DNER: variants seen among roughly 807,000 people sequenced by gnomAD.
The protein encoded by DNER is delta and Notch-like epidermal growth factor-related receptor.
Under a neutral mutation model 78.2 loss-of-function variants are expected in DNER, and 33 were observed. The observed-to-expected ratio is 0.42, with a 90% CI of 0.32 to 0.56. The LOEUF (loss-of-function observed/expected upper bound fraction) is 0.56, where lower values mean the gene tolerates loss of function less well. Ranked by LOEUF, DNER falls within the 20% of genes least tolerant of loss-of-function variation. The probability of loss-of-function intolerance (pLI) is 0.11; values close to 1 mark genes in which losing one functional copy is unlikely to be tolerated. For synonymous variants in DNER, 417 were observed against 384.8 expected (o/e 1.08, Z -0.98); for missense variants, 918 against 975.3 (o/e 0.94, Z 0.78).
chr2:229,429,009 C>A (rs1370264822), intron 8 of DNER, among the ~76,000 whole-genome samples: 2 of 152,166 alleles, frequency 1.3e-5, no homozygotes, highest in Admixed American at 1.3e-4. Context: ...TGGAATTACA[C>A]TGGGCAGACA....
chr2:229,512,895 AGTACCCAC>A lies in DNER; in HGVS notation c.1027_1034del (p.Val343PhefsTer3). On this transcript the variant is annotated frameshift_variant, in exon 6 of 13. Coordinates refer to ENST00000341772, the MANE Select transcript of DNER (RefSeq NM_139072.4). LOFTEE classifies it high-confidence loss of function. ...GGCAAGCATCGTATTCTTCACAGAA[AGTACCCAC>A]GTACTGCTCCTCACAGGTACAGGAA... is the stretch of plus-strand genomic sequence containing the variant. 6.2e-7 allele frequency: 1 copy of A among 1,614,182 alleles called. No individual in the cohort carries two copies.
At chr2:229,395,583 C>T (rs60277074) in intron 10 of DNER, among the ~76,000 whole-genome samples, 5,085 of 152,280 alleles carry the variant, frequency 0.033, 134 homozygotes, top group African/African-American at 0.073. Flanking sequence ...GTGTTCAGCC[C>T]TACAAACTGC....
At chr2:229,389,207 C>G (rs958343140) in intron 10 of DNER, among the ~76,000 whole-genome samples, 1 of 152,076 alleles carries the variant, frequency 6.6e-6, no homozygotes, top group African/African-American at 2.4e-5. Context: ...CTAGACCCAA[C>G]TTTTCAGGAC....
intron 7 of DNER, among the ~76,000 whole-genome samples, chr2:229,458,704 G>A (rs1016480111): frequency 6.6e-6 from 1 of 151,278 alleles, no homozygotes; most frequent in African/African-American, 2.4e-5. Context: ...TTCTCCCTAA[G>A]ATAGAGAGCA....
At chr2:229,658,013 G>C (rs1338278548) in intron 1 of DNER, among the ~76,000 whole-genome samples, 2 of 152,194 alleles carry the variant, frequency 1.3e-5, no homozygotes, top group Non-Finnish European at 2.9e-5. Context: ...GATTAAAAAT[G>C]AAACAGTGAA....
At chr2:229,601,230 C>T (rs1348301108) in intron 1 of DNER, among the ~76,000 whole-genome samples, 1 of 152,164 alleles carries the variant, frequency 6.6e-6, no homozygotes, top group East Asian at 1.9e-4. Flanking sequence ...TGGGGTCCAA[C>T]TGTCACAGTA....
At chr2:229,475,682 G>T (rs6715897) in intron 7 of DNER, among the ~76,000 whole-genome samples, 1 of 152,030 alleles carries the variant, frequency 6.6e-6, no homozygotes, top group South Asian at 2.1e-4. Flanking sequence ...TTTTTAGTTC[G>T]AGGGCCATTG....
At chr2:229,541,507 G>A (rs1270422941) in intron 5 of DNER, among the ~76,000 whole-genome samples, 1 of 152,130 alleles carries the variant, frequency 6.6e-6, no homozygotes, top group African/African-American at 2.4e-5. Context: ...GCCTGTGGGA[G>A]TTATTTATAT....
At chr2:229,659,259 C>A (rs1223817311) in intron 1 of DNER, among the ~76,000 whole-genome samples, 1 of 152,104 alleles carries the variant, frequency 6.6e-6, no homozygotes, top group African/African-American at 2.4e-5. Flanking sequence ...AGTTTTTTAG[C>A]TATTAAACCT....
chr2:229,407,868 C>T (rs1003641938), intron 9 of DNER, among the ~76,000 whole-genome samples: 1 of 152,136 alleles, frequency 6.6e-6, no homozygotes, highest in Non-Finnish European at 1.5e-5. Flanking sequence ...TAATTTATTC[C>T]TCACAACAAC....
chr2:229,574,901 T>C (rs1185180704), intron 4 of DNER, among the ~76,000 whole-genome samples: 1 of 152,178 alleles, frequency 6.6e-6, no homozygotes, highest in Non-Finnish European at 1.5e-5. Flanking sequence ...AAATTTGCAC[T>C]GACAGAAGCT....
chr2:229,400,205 A>G (rs571717674), intron 10 of DNER, among the ~76,000 whole-genome samples: 1 of 152,212 alleles, frequency 6.6e-6, no homozygotes, highest in Admixed American at 6.5e-5. Context: ...ATGCTGTAAC[A>G]AACTAGAGTT....
intron 11 of DNER, among the ~76,000 whole-genome samples, chr2:229,384,576 G>C (rs934839340): frequency 3.9e-5 from 6 of 152,078 alleles, no homozygotes; most frequent in Non-Finnish European, 8.8e-5. Flanking sequence ...TGATAAAGGG[G>C]ATATCACCGC....
chr2:229,610,414 G>A (rs763808991), intron 1 of DNER, among the ~76,000 whole-genome samples: 1 of 152,188 alleles, frequency 6.6e-6, no homozygotes, highest in Admixed American at 6.5e-5. Context: ...ACTGAGACCC[G>A]CATTCAGATG....
intron 1 of DNER, among the ~76,000 whole-genome samples, chr2:229,594,952 T>TAAAAAAAAAAAAA (rs200824543): frequency 9.7e-6 from 1 of 102,688 alleles, no homozygotes; most frequent in African/African-American, 3.4e-5. Context: ...AAATGCTGTT[T>TAAAAAAAAAAAAA]AAAAAAAAAA....
intron 1 of DNER, among the ~76,000 whole-genome samples, chr2:229,630,962 C>T (rs1457755160): frequency 5.2e-5 from 7 of 134,652 alleles, no homozygotes; most frequent in Non-Finnish European, 1.2e-4. Flanking sequence ...CTGGAAAGGA[C>T]ATGATTTCAT....
At chr2:229,510,163 G>A (rs185667881) in intron 6 of DNER, among the ~76,000 whole-genome samples, 1 of 152,344 alleles carries the variant, frequency 6.6e-6, no homozygotes, top group East Asian at 1.9e-4. Context: ...ACCAGGGCAA[G>A]GGAGACATGG....
At chr2:229,392,132 A>G (rs1239043781) in intron 10 of DNER, among the ~76,000 whole-genome samples, 2 of 152,150 alleles carry the variant, frequency 1.3e-5, no homozygotes, top group African/African-American at 4.8e-5. Flanking sequence ...TTGACTATAA[A>G]TCTTTCATAT....
chr2:229,387,309 C>A (rs1455382508), intron 11 of DNER, among the ~76,000 whole-genome samples: 1 of 151,998 alleles, frequency 6.6e-6, no homozygotes, highest in Non-Finnish European at 1.5e-5. Flanking sequence ...AGGAACATCA[C>A]ACACTGGGGC....
Sources: gnomAD v4.1 joint callset for allele counts (sites outside exome capture counted in the v4.1 genomes callset) on GRCh38, gnomAD v4.1.1 for gene constraint, MANE v1.5 for transcripts, NCBI Gene and HGNC (gene_info 2026-07-23, HGNC 2026-07-21) for gene names.